The following SORCS2 variants were observed in gnomAD, a reference collection of about 807,000 sequenced individuals.
SORCS2 encodes sortilin related VPS10 domain containing receptor 2, also known as VPS10 domain-containing receptor SorCS2.
Under a neutral mutation model 141.6 loss-of-function variants are expected in SORCS2, and 100 were observed. The observed-to-expected ratio is 0.71, with a 90% CI of 0.60 to 0.83. The LOEUF is 0.83. SORCS2 is among the 40% of genes least tolerant of loss of function. The pLI is 0.00. For missense variants in SORCS2, 1,646 were observed against 1,560.2 expected, an observed-to-expected ratio of 1.05 and a Z score of -0.93; for synonymous variants, 789 against 676.9, an observed-to-expected ratio of 1.17 and a Z score of -2.57.
chr4:7,331,107 C>T (rs1411116044), intron 1 of SORCS2, among the ~76,000 whole-genome samples: 6 of 148,538 alleles, frequency 4.0e-5, no homozygotes, highest in East Asian at 2.0e-4. Flanking sequence ...CTAGGGGCGG[C>T]GAGAGGCTGG....
intron 6 of SORCS2, among the ~76,000 whole-genome samples, chr4:7,662,995 C>T (rs569251962): frequency 2.7e-5 from 4 of 145,936 alleles, no homozygotes; most frequent in East Asian, 2.1e-4. Context: ...AGTGAGTGAG[C>T]GAGTGAGTGG....
intron 19 of SORCS2, among the ~76,000 whole-genome samples, chr4:7,724,480 G>GTGATGGTGGTGA (rs1726923339): frequency 2.8e-5 from 2 of 71,388 alleles, no homozygotes; most frequent in African/African-American, 5.1e-5. Flanking sequence ...GGTGATGGTG[G>GTGATGGTGGTGA]TGATGGTGGT....
intron 3 of SORCS2, among the ~76,000 whole-genome samples, chr4:7,620,854 G>T (rs373173133): frequency 6.6e-6 from 1 of 152,148 alleles, no homozygotes; most frequent in African/African-American, 2.4e-5. Context: ...CTCCGACCTG[G>T]ACGGGAGGGC....
chr4:7,460,929 C>G (rs28527307), intron 2 of SORCS2, among the ~76,000 whole-genome samples: 7,349 of 151,952 alleles, frequency 0.048, 621 homozygotes, highest in African/African-American at 0.17. Context: ...ACACTCAACA[C>G]AGGCACCCGG....
chr4:7,229,006 C>A (rs546671287), intron 1 of SORCS2, among the ~76,000 whole-genome samples: 1 of 152,216 alleles, frequency 6.6e-6, no homozygotes, highest in Non-Finnish European at 1.5e-5. Context: ...TGAGGCCTGC[C>A]GCGCCTTGCT....
chr4:7,616,992 A>G (rs1300125944), intron 3 of SORCS2, among the ~76,000 whole-genome samples: 1 of 152,166 alleles, frequency 6.6e-6, no homozygotes, highest in Non-Finnish European at 1.5e-5. Flanking sequence ...CAGCAGGTGG[A>G]CAATTGGTCA....
At chr4:7,416,827 A>C (rs1459443330) in intron 2 of SORCS2, among the ~76,000 whole-genome samples, 6 of 147,940 alleles carry the variant, frequency 4.1e-5, no homozygotes, top group African/African-American at 1.5e-4. Context: ...CACACTTGTG[A>C]ACACACACAA....
chr4:7,525,411 G>GGCT (rs1396502117), intron 2 of SORCS2, among the ~76,000 whole-genome samples: 2 of 151,946 alleles, frequency 1.3e-5, no homozygotes, highest in Non-Finnish European at 2.9e-5. Context: ...ATCCACAGTG[G>GGCT]GCTGCCCAGG....
intron 2 of SORCS2, among the ~76,000 whole-genome samples, chr4:7,527,772 A>C (rs1733788110): frequency 1.3e-5 from 2 of 152,180 alleles, no homozygotes; most frequent in South Asian, 2.1e-4. Flanking sequence ...CTCCTTATGC[A>C]CAGATGAGAG....
chr4:7,687,706 G>T (rs1211403454), intron 10 of SORCS2, among the ~76,000 whole-genome samples: 1 of 151,846 alleles, frequency 6.6e-6, no homozygotes, highest in East Asian at 1.9e-4. Flanking sequence ...TTCTTTTTTT[G>T]GTTTTTAACA....
At chr4:7,509,328 C>A (rs1732468639) in intron 2 of SORCS2, among the ~76,000 whole-genome samples, 1 of 152,082 alleles carries the variant, frequency 6.6e-6, no homozygotes, top group Non-Finnish European at 1.5e-5. Context: ...GGGAGGGATA[C>A]CCACAGCCTC....
intron 3 of SORCS2, among the ~76,000 whole-genome samples, chr4:7,562,304 C>G (rs1317023920): frequency 2.0e-5 from 3 of 151,272 alleles, no homozygotes; most frequent in African/African-American, 7.3e-5. Flanking sequence ...CTGTGATCAG[C>G]TGCGTACACA....
rs573501624 is a variant in SORCS2 at position 7,663,204 on chromosome 4, ATGAG to A, written c.953-1141_953-1138del. ...GAATGAGTGAGTGAGTGAAGAGTGA[ATGAG>A]TGAGTGAATGAGTGAGTGAAGAGTG... On this transcript the variant is annotated intron_variant, in intron 6 of 26. Transcript: ENST00000507866. The surrounding 1 kb of genome is among the most constrained non-coding windows in gnomAD (Gnocchi z 4.8). Among the ~76,000 whole-genome samples, 16 of 151,468 alleles carry A rather than the reference ATGAG, an allele frequency of 1.1e-4. No individual in the cohort carries two copies. In the South Asian group the frequency reaches 2.5e-3, roughly 24 times the overall value.
At chr4:7,194,383 TGATTTGTGCTG>T (rs766922502) in intron 1 of SORCS2, among the ~76,000 whole-genome samples, 10 of 152,054 alleles carry the variant, frequency 6.6e-5, no homozygotes, top group Non-Finnish European at 1.2e-4. Flanking sequence ...CAGCCAGCTG[TGATTTGTGCTG>T]GAGGAGGGAT....
In SORCS2 at chr4:7,740,750, G is replaced by C. The variant is rs1712604173; in HGVS notation, c.*486G>C. On this transcript the variant is annotated 3_prime_UTR_variant, in exon 27 of 27. Coordinates refer to ENST00000507866, the MANE Select transcript of SORCS2 (RefSeq NM_020777.3). The stretch of plus-strand genomic sequence containing the variant: ...ACCCAGTCCCTCTGTGGGAGCCCGG[G>C]TGCCAGGCCCTCCCAACACCACACC... 3.1e-6 allele frequency: 1 copy of C among 323,884 alleles called. No individual in the cohort carries two copies. Among genetic ancestry groups the C allele is most frequent in the East Asian group, 4.8e-5 (1 of 20,782 alleles). The allele number at this position is 323,884 out of a possible 1,614,324, so 20.1% of individuals were successfully genotyped here.
intron 19 of SORCS2, among the ~76,000 whole-genome samples, chr4:7,724,918 A>ATGGTGGTAGTT (rs1560115080): frequency 7.2e-5 from 2 of 27,828 alleles, no homozygotes; most frequent in African/African-American, 3.8e-4. Flanking sequence ...TATTGGTGGG[A>ATGGTGGTAGTT]ATGGATGGTG....
chr4:7,556,467 A>G (rs1714113412), intron 3 of SORCS2, among the ~76,000 whole-genome samples: 1 of 152,050 alleles, frequency 6.6e-6, no homozygotes, highest in Admixed American at 6.5e-5. Context: ...GCAAAAAGAG[A>G]AGGAGGACTG....
At chr4:7,412,331 A>T (rs956752018) in intron 2 of SORCS2, among the ~76,000 whole-genome samples, 3 of 152,110 alleles carry the variant, frequency 2.0e-5, no homozygotes, top group Non-Finnish European at 2.9e-5. Flanking sequence ...AGGGGTCTCA[A>T]CTTCTTCTGA....
intron 2 of SORCS2, among the ~76,000 whole-genome samples, chr4:7,526,295 G>A (rs1220857316): frequency 6.6e-6 from 1 of 152,218 alleles, no homozygotes; most frequent in Non-Finnish European, 1.5e-5. Context: ...GAATAGAATC[G>A]GAGCCATTGG....
Sources: allele counts gnomAD v4.1 joint callset (sites outside exome capture counted in the v4.1 genomes callset), GRCh38; gene constraint gnomAD v4.1.1; non-coding constraint Gnocchi (gnomAD v3.1); transcripts MANE v1.5; gene names NCBI Gene and HGNC (gene_info 2026-07-23, HGNC 2026-07-21).